INO80D: variants seen among roughly 807,000 people sequenced by gnomAD.
The protein encoded by INO80D is INO80 complex subunit D.
In INO80D, 21 loss-of-function variants were observed where a neutral mutation model predicts 87.6. That is an observed-to-expected ratio of 0.24 (90% confidence interval 0.17 to 0.35). INO80D has a LOEUF of 0.35. Ranked by LOEUF, INO80D falls within the 10% of genes least tolerant of loss-of-function variation. INO80D has a pLI of 1.00. For missense variants in INO80D, 982 were observed against 1,280.7 expected (o/e 0.77, Z 3.56); for synonymous variants, 440 against 491.0 (o/e 0.90, Z 1.37).
chr2:206,070,528 G>A (rs1180979425), intron 1 of INO80D, among the ~76,000 whole-genome samples: 1 of 151,972 alleles, frequency 6.6e-6, no homozygotes, highest in African/African-American at 2.4e-5. Context: ...AGACCATCCT[G>A]ACTAACACGG....
At chr2:206,072,698 T>C (rs1364989626) in intron 1 of INO80D, among the ~76,000 whole-genome samples, 3 of 152,210 alleles carry the variant, frequency 2.0e-5, no homozygotes, top group African/African-American at 7.2e-5. Context: ...ATCTCAGTAC[T>C]TGCTATCATT....
At chr2:206,044,386 CAAATGAATGAA>C (rs1042146100) in intron 5 of INO80D, among the ~76,000 whole-genome samples, 1 of 132,758 alleles carries the variant, frequency 7.5e-6, no homozygotes, top group Non-Finnish European at 1.6e-5. Context: ...AGTAAATGAA[CAAATGAATGAA>C]AAATGAATGA....
chr2:206,053,513 C>T (rs17220650), intron 4 of INO80D, among the ~76,000 whole-genome samples: 29,918 of 151,756 alleles, frequency 0.2, 3,404 homozygotes, highest in Non-Finnish European at 0.27. Flanking sequence ...ATTTTAATCA[C>T]GAAAAGTCAC....
At chr2:206,067,894 G>C (rs1049667111) in intron 1 of INO80D, among the ~76,000 whole-genome samples, 7 of 152,080 alleles carry the variant, frequency 4.6e-5, no homozygotes, top group African/African-American at 1.4e-4. Context: ...AGTGTGCCGA[G>C]ATCGTGCCAC....
chr2:206,025,082 T>C (rs968934583), intron 6 of INO80D, among the ~76,000 whole-genome samples: 13 of 152,044 alleles, frequency 8.6e-5, no homozygotes, highest in Non-Finnish European at 1.5e-4. Flanking sequence ...ACCCTTTTTT[T>C]CCCTCAAGTG....
At chr2:206,067,377 A>G (rs1689847718) in intron 1 of INO80D, among the ~76,000 whole-genome samples, 1 of 152,276 alleles carries the variant, frequency 6.6e-6, no homozygotes, top group African/African-American at 2.4e-5. Flanking sequence ...GATGGGAGGA[A>G]TAAGCCCTAG....
Position 206,004,527 on chromosome 2 carries a change from G to A in INO80D, c.2925C>T (p.Phe975=), listed in dbSNP as rs771015296. Residue 975 remains phenylalanine (F), a synonymous_variant, in exon 11 of 11, where the codon TTC becomes TTT. Coordinates refer to ENST00000403263, the MANE Select transcript of INO80D (RefSeq NM_017759.5). The surrounding 1 kb of genome is among the most constrained non-coding windows in gnomAD (Gnocchi z 4.9). ...TCAGCTGGTGGCCAAAGGCTGCGCT[G>A]AACTGAGGGAGTTGCTGCTTGGGAG... ...STSPKQQLPQ[F]SAAFGHQLSS... The A allele has an allele frequency of 6.2e-7, 1 of 1,610,938 alleles. No individual in the cohort carries two copies. The highest frequency in any genetic ancestry group is 1.1e-5 in the South Asian group (1 of 90,398).
chr2:206,019,859 A>C lies in INO80D; in HGVS notation c.1299-14T>G. On this transcript the variant is annotated splice_polypyrimidine_tract_variant and intron_variant, in intron 6 of 10. Coordinates refer to ENST00000403263, the MANE Select transcript of INO80D (RefSeq NM_017759.5). ...GTCCGGCTTATGCTAAGGAAAGAAA[A>C]ACAGAGAATTAATTTTTTTTTAATG... 1 of 1,600,346 alleles carries C rather than the reference A, an allele frequency of 6.2e-7. No homozygotes were observed. Among genetic ancestry groups the C allele is most frequent in the Non-Finnish European group, 8.5e-7 (1 of 1,171,972 alleles).
Position 206,060,887 on chromosome 2 carries a change from C to T in INO80D, c.218+1912G>A, listed in dbSNP as rs146629445. 3.0e-3 allele frequency among the ~76,000 whole-genome samples: 454 copies of T among 151,874 alleles called. 4 individuals are homozygous for T. The highest frequency in any genetic ancestry group is 0.01 in the African/African-American group (433 of 41,472). On this transcript the variant is annotated intron_variant, in intron 3 of 10. Transcript: ENST00000403263. ...TTAGTACTTATTAAGCACAGCTTCT[C>T]GAGATAGAAACATGAAAGTCCTTTC...
intron 6 of INO80D, chr2:206,025,528 C>CAAAAAAAAAAAAAA (rs71410856): frequency 2.2e-4 from 12 of 54,528 alleles, no homozygotes; most frequent in Admixed American, 3.2e-4. Context: ...AACTCCATCT[C>CAAAAAAAAAAAAAA]AAAAAAAAAA....
Position 206,004,764 on chromosome 2 carries a change from G to A in INO80D, c.2688C>T (p.Asn896=). 6.2e-7 allele frequency: 1 copy of A among 1,614,026 alleles called. No homozygotes were observed. The highest frequency in any genetic ancestry group is 8.5e-7 in the Non-Finnish European group (1 of 1,179,890). The change falls in exon 11 of 11, where the codon AAC becomes AAT. Residue 896 remains asparagine, a synonymous_variant. Transcript: ENST00000403263. This position sits in a 1 kb window ranked among gnomAD's most constrained non-coding sequence, Gnocchi z 4.9. ...TGCTAAATGGAGAGGGGTCTCCAAGGTTGACAGGGAGATTGCCCCAGTGAG... is the reference window on the plus strand; with the variant it reads ...TGCTAAATGGAGAGGGGTCTCCAAGATTGACAGGGAGATTGCCCCAGTGAG... ...PRTHWGNLPV[N]LGDPSPFSNL...
At chr2:206,027,292 C>A (rs1559440713) in intron 6 of INO80D, among the ~76,000 whole-genome samples, 1 of 151,914 alleles carries the variant, frequency 6.6e-6, no homozygotes, top group Non-Finnish European at 1.5e-5. Context: ...AAATTTTCCA[C>A]AATAAACAAG....
chr2:206,032,054 A>G (rs2105840721), intron 5 of INO80D, among the ~76,000 whole-genome samples: 1 of 152,314 alleles, frequency 6.6e-6, no homozygotes. Context: ...TGGGTCCCCA[A>G]GCAGGTCATT....
Position 206,004,187 on chromosome 2 carries a change from G to A in INO80D, c.*181C>T. 1.6e-6 allele frequency: 1 copy of A among 626,538 alleles called. No homozygotes were observed. Among genetic ancestry groups the A allele is most frequent in the South Asian group, 2.0e-5 (1 of 50,484 alleles). 38.8% of individuals were successfully genotyped at this position (626,538 alleles called of 1,614,324 possible). A position where few individuals can be genotyped will look rare whatever the true frequency, so the allele number is the denominator to read the frequency against. Reference sequence around the variant, plus strand: ...GGAGGGAATGAGCACCAGTGCTAAGGAGCACATGTGAACACTGTAGCGAGG... The same window carrying A: ...GGAGGGAATGAGCACCAGTGCTAAGAAGCACATGTGAACACTGTAGCGAGG... On this transcript the variant is annotated 3_prime_UTR_variant, in exon 11 of 11. Coordinates refer to ENST00000403263, the MANE Select transcript of INO80D (RefSeq NM_017759.5). The surrounding 1 kb of genome is among the most constrained non-coding windows in gnomAD (Gnocchi z 4.9).
intron 8 of INO80D, among the ~76,000 whole-genome samples, chr2:206,013,420 C>G (rs1688231880): frequency 6.6e-6 from 1 of 151,948 alleles, no homozygotes; most frequent in East Asian, 1.9e-4. Context: ...GGCGTGGTGG[C>G]AGGCACCTGT....
chr2:206,028,356 A>C (rs1225085582), intron 5 of INO80D, 21 bp from the exon 6 acceptor site: 1 of 1,544,940 alleles, frequency 6.5e-7, no homozygotes, highest in South Asian at 1.2e-5. Context: ...CAGGGAGAGA[A>C]AGGAAAAACT....
At position 205,995,623 on chromosome 2, in the gene INO80D, T is replaced by C. The variant is rs944447294; in HGVS notation, c.*8745A>G. ...TATCTATATATCTACTCCCACAATA[T>C]ATACTAGAGACATACTGTGTGAGTA... On this transcript the variant is annotated 3_prime_UTR_variant, in exon 11 of 11. Coordinates refer to ENST00000403263, the MANE Select transcript of INO80D (RefSeq NM_017759.5). The C allele has an allele frequency of 6.6e-6, 1 of 152,156 alleles. No individual in the cohort carries two copies. Among genetic ancestry groups the C allele is most frequent in the Non-Finnish European group, 1.5e-5 (1 of 68,004 alleles). 9.4% of individuals were successfully genotyped at this position (152,156 alleles called of 1,614,324 possible).
At chr2:206,049,839 T>C (rs537083380) in intron 4 of INO80D, among the ~76,000 whole-genome samples, 1 of 152,374 alleles carries the variant, frequency 6.6e-6, no homozygotes, top group East Asian at 1.9e-4. Context: ...TTTTAAAAAA[T>C]TTAAAAGGGC....
chr2:206,054,056 T>C (rs1254251870), intron 4 of INO80D, among the ~76,000 whole-genome samples: 1 of 152,140 alleles, frequency 6.6e-6, no homozygotes, highest in Non-Finnish European at 1.5e-5. Context: ...GCCAGGCTGG[T>C]CTCGAACTCC....
Sources: allele counts gnomAD v4.1 joint callset (sites outside exome capture counted in the v4.1 genomes callset), GRCh38; gene constraint gnomAD v4.1.1; non-coding constraint Gnocchi (gnomAD v3.1); transcripts MANE v1.5; gene names NCBI Gene and HGNC (gene_info 2026-07-23, HGNC 2026-07-21).